Variants in PRLR observed in about 807,000 individuals in gnomAD.
PRLR encodes the protein hPRL receptor.
PRLR carries 13 observed loss-of-function variants against 40.2 expected under a neutral mutation model. The ratio of observed to expected loss-of-function variants is 0.32; its 90% CI spans 0.21 to 0.51. The LOEUF (loss-of-function observed/expected upper bound fraction) is 0.51, where lower values mean the gene tolerates loss of function less well. Ranked by LOEUF, PRLR falls within the 20% of genes least tolerant of loss-of-function variation. The pLI, the probability that PRLR is intolerant of heterozygous loss-of-function variation, is 0.97. For synonymous variants in PRLR, 269 were observed against 278.7 expected (o/e 0.97, Z 0.35); for missense variants, 656 against 747.3 (o/e 0.88, Z 1.42).
At chr5:35,076,116 A>G (rs1770076591) in intron 5 of PRLR, among the ~76,000 whole-genome samples, 1 of 152,230 alleles carries the variant, frequency 6.6e-6, no homozygotes, top group Non-Finnish European at 1.5e-5. Context: ...TGAACATTTT[A>G]AAAATCAGAG....
At chr5:35,121,329 C>T (rs1322664823) in intron 1 of PRLR, among the ~76,000 whole-genome samples, 1 of 152,174 alleles carries the variant, frequency 6.6e-6, no homozygotes, top group Non-Finnish European at 1.5e-5. Flanking sequence ...GTACAGTGCA[C>T]ACATAGTAAA....
chr5:35,223,109 A>G (rs1003913369), intron 1 of PRLR, among the ~76,000 whole-genome samples: 7 of 152,234 alleles, frequency 4.6e-5, no homozygotes, highest in African/African-American at 1.7e-4. Context: ...CACCACGAGG[A>G]ATTATCTGTG....
At chr5:35,190,689 T>G (rs1381103870) in intron 1 of PRLR, among the ~76,000 whole-genome samples, 1 of 152,198 alleles carries the variant, frequency 6.6e-6, no homozygotes, top group Non-Finnish European at 1.5e-5. Flanking sequence ...AATTTCAACA[T>G]AATCCTATCA....
At chr5:35,155,808 AC>A (rs1243263784) in intron 1 of PRLR, among the ~76,000 whole-genome samples, 1 of 152,248 alleles carries the variant, frequency 6.6e-6, no homozygotes, top group Non-Finnish European at 1.5e-5. Context: ...ACAATGGCTT[AC>A]AAAGGTACTT....
intron 1 of PRLR, among the ~76,000 whole-genome samples, chr5:35,153,457 A>T: frequency 6.6e-6 from 1 of 152,114 alleles, no homozygotes; most frequent in East Asian, 1.9e-4. Flanking sequence ...CTCATCCTCA[A>T]GGCCTTATTC....
rs531167805 is a variant in PRLR at position 35,175,444 on chromosome 5, G to C, written c.-106+54824C>G. ...TTGTAAATTGCCCAGTCTCAGGTAT[G>C]TCTTTATAAGCAGCGTGAGGACAGA... On this transcript the variant is annotated intron_variant, in intron 1 of 9. Transcript: ENST00000618457. 1.1e-4 allele frequency among the ~76,000 whole-genome samples: 16 copies of C among 152,332 alleles called. No homozygotes were observed. The South Asian group carries it at 3.3e-3, about 32-fold the overall frequency.
chr5:35,062,523 G>A lies in PRLR; in HGVS notation c.*2566C>T, dbSNP rs1284856551. On this transcript the variant is annotated 3_prime_UTR_variant, in exon 10 of 10. Transcript: ENST00000618457. ...TAGAATTAAAGTCTTGGCCTAATGA[G>A]TGGCTAATTGTTTTTTAGGGATTTA... is the stretch of plus-strand genomic sequence containing the variant. The A allele has an allele frequency of 7.4e-6, 1 of 135,238 alleles. No individual in the cohort carries two copies. Among genetic ancestry groups the A allele is most frequent in the Non-Finnish European group, 1.5e-5 (1 of 66,284 alleles). 8.4% of individuals were successfully genotyped at this position (135,238 alleles called of 1,614,324 possible). A position where few individuals can be genotyped will look rare whatever the true frequency, so the allele number is the denominator to read the frequency against.
rs1254984790 is a variant in PRLR, at chr5:35,187,412, A to G, written c.-106+42856T>C. Among the ~76,000 whole-genome samples, 6 of 151,674 alleles carry G rather than the reference A, an allele frequency of 4.0e-5. No homozygotes were observed. The East Asian group carries it at 1.2e-3, about 29-fold the overall frequency. ...AGAAACTCCGTTTAAAAAAAAAAAA[A>G]AGAAGAAGAAGGTTGTTATGGGGAG... On this transcript the variant is annotated intron_variant, in intron 1 of 9. Transcript: ENST00000618457.
At chr5:35,189,996 G>C (rs1419213082) in intron 1 of PRLR, among the ~76,000 whole-genome samples, 1 of 152,148 alleles carries the variant, frequency 6.6e-6, no homozygotes, top group Non-Finnish European at 1.5e-5. Context: ...TGTTTACCCA[G>C]TGAAATGAGA....
intron 1 of PRLR, among the ~76,000 whole-genome samples, chr5:35,160,965 C>T (rs1774658174): frequency 6.6e-6 from 1 of 152,198 alleles, no homozygotes; most frequent in South Asian, 2.1e-4. Flanking sequence ...GGCCTTGTGT[C>T]AGTTAAACTC....
At chr5:35,100,673 A>T (rs1030584868) in intron 2 of PRLR, among the ~76,000 whole-genome samples, 3 of 152,216 alleles carry the variant, frequency 2.0e-5, no homozygotes, top group Admixed American at 2.0e-4. Context: ...CAACAACAAG[A>T]TAACCTAAGG....
At chr5:35,184,322 T>C (rs1775368849) in intron 1 of PRLR, among the ~76,000 whole-genome samples, 1 of 152,126 alleles carries the variant, frequency 6.6e-6, no homozygotes, top group Non-Finnish European at 1.5e-5. Context: ...GAGACCAGCC[T>C]GGGCAACACG....
chr5:35,147,057 C>A (rs1428771320), intron 1 of PRLR, among the ~76,000 whole-genome samples: 1 of 152,188 alleles, frequency 6.6e-6, no homozygotes, highest in African/African-American at 2.4e-5. Context: ...GAGCTCCACT[C>A]TCTCTTCCCA....
chr5:35,057,134 G>A lies in PRLR; in HGVS notation c.*7955C>T, dbSNP rs1203335339. 1 of 152,060 alleles carries A rather than the reference G, an allele frequency of 6.6e-6. No homozygotes were observed. The highest frequency in any genetic ancestry group is 1.5e-5 in the Non-Finnish European group (1 of 68,002). 9.4% of individuals were successfully genotyped at this position (152,060 alleles called of 1,614,324 possible). A position where few individuals can be genotyped will look rare whatever the true frequency, so the allele number is the denominator to read the frequency against. ...CCTTTATTTCACAATATTTAAATAA[G>A]CTTCTCTTATTGGATCTCCTTGTAT... On this transcript the variant is annotated 3_prime_UTR_variant, in exon 10 of 10. Coordinates refer to ENST00000618457, the MANE Select transcript of PRLR (RefSeq NM_000949.7).
downstream of PRLR, among the ~76,000 whole-genome samples, chr5:35,050,708 G>T (rs1768464885): frequency 6.6e-6 from 1 of 152,172 alleles, no homozygotes. Context: ...ACTTTGCTCT[G>T]CCCCAGGCCT....
rs1769245994 is a variant in PRLR at position 35,064,760 on chromosome 5, T to C, written c.*329A>G. 1 of 218,522 alleles carries C rather than the reference T, an allele frequency of 4.6e-6. No homozygotes were observed. Among genetic ancestry groups the C allele is most frequent in the Admixed American group, 5.1e-5 (1 of 19,580 alleles). The allele number at this position is 218,522 out of a possible 1,614,324, so 13.5% of individuals were successfully genotyped here. On this transcript the variant is annotated 3_prime_UTR_variant, in exon 10 of 10. Transcript: ENST00000618457. ...ATTTTGACAATTTCATTTCCGTCTGTCCCATGCCAAATCATGAAAGCCTTT... is the reference window on the plus strand; with the variant it reads ...ATTTTGACAATTTCATTTCCGTCTGCCCCATGCCAAATCATGAAAGCCTTT...
Position 35,068,213 on chromosome 5 carries a change from T to C in PRLR, c.855+3A>G. On this transcript the variant is annotated splice_donor_region_variant and intron_variant, in intron 9 of 9. Coordinates refer to ENST00000618457, the MANE Select transcript of PRLR (RefSeq NM_000949.7). Reference sequence around the variant, plus strand: ...ACTCCATTTTTTTGCCTCCTGTACTTACCTCCAACAGATGAGCATCAAATC... The same window carrying C: ...ACTCCATTTTTTTGCCTCCTGTACTCACCTCCAACAGATGAGCATCAAATC... 1 of 1,609,688 alleles carries C rather than the reference T, an allele frequency of 6.2e-7. No individual in the cohort carries two copies.
At chr5:35,167,209 T>C (rs1349634719) in intron 1 of PRLR, among the ~76,000 whole-genome samples, 1 of 152,052 alleles carries the variant, frequency 6.6e-6, no homozygotes, top group Non-Finnish European at 1.5e-5. Context: ...TTTAAAGATA[T>C]TGGTCAATGA....
At chr5:35,155,948 G>C (rs1186247876) in intron 1 of PRLR, among the ~76,000 whole-genome samples, 1 of 151,968 alleles carries the variant, frequency 6.6e-6, no homozygotes, top group Non-Finnish European at 1.5e-5. Context: ...TGTTTGCATG[G>C]GCAGAACAAT....
Sources: gnomAD v4.1 joint callset for allele counts (sites outside exome capture counted in the v4.1 genomes callset) on GRCh38, gnomAD v4.1.1 for gene constraint, MANE v1.5 for transcripts, NCBI Gene and HGNC (gene_info 2026-07-23, HGNC 2026-07-21) for gene names.